EMID1: variants seen among roughly 807,000 people sequenced by gnomAD.
EMID1 encodes EMI domain-containing protein 1.
EMID1 carries 40 observed loss-of-function variants against 60.6 expected under a neutral mutation model. The observed-to-expected ratio is 0.66, with a 90% CI of 0.51 to 0.86. The LOEUF is 0.86. Among genes scored for constraint, EMID1 ranks in the 40% least tolerant of loss-of-function variants. The pLI is 0.00. For missense variants in EMID1, 585 were observed against 597.1 expected (o/e 0.98, Z 0.21); for synonymous variants, 242 against 231.0 (o/e 1.05, Z -0.43).
intron 5 of EMID1, among the ~76,000 whole-genome samples, chr22:29,226,910 A>G (rs1489978356): frequency 6.6e-6 from 1 of 152,004 alleles, no homozygotes; most frequent in Non-Finnish European, 1.5e-5. Flanking sequence ...GGGCTCCATC[A>G]CCATCCCCAC....
chr22:29,236,826 T>C (rs945542665), intron 12 of EMID1, among the ~76,000 whole-genome samples: 1 of 151,920 alleles, frequency 6.6e-6, no homozygotes, highest in Non-Finnish European at 1.5e-5. Context: ...AGGCAGAGTC[T>C]TGCTCTGTCG....
chr22:29,240,433 C>A (rs187120140), intron 12 of EMID1, among the ~76,000 whole-genome samples: 1 of 152,046 alleles, frequency 6.6e-6, no homozygotes, highest in Non-Finnish European at 1.5e-5. Context: ...GGTCAAGAAC[C>A]CCTCGTGGCC....
chr22:29,246,106 G>T (rs954437959), intron 13 of EMID1, among the ~76,000 whole-genome samples: 1 of 152,326 alleles, frequency 6.6e-6, no homozygotes, highest in Admixed American at 6.5e-5. Flanking sequence ...AAGCCTGAAA[G>T]GTGCATTAAC....
intron 14 of EMID1, among the ~76,000 whole-genome samples, chr22:29,256,476 A>G (rs2146482620): frequency 6.6e-6 from 1 of 151,774 alleles, no homozygotes; most frequent in Admixed American, 6.6e-5. Flanking sequence ...AAAAAAAAAA[A>G]AAAAAAAGAC....
At position 29,234,199 on chromosome 22, in the gene EMID1, A is replaced by G; in HGVS notation, c.1029A>G (p.Arg343=). The change falls in exon 11 of 15, where the codon AGA becomes AGG. Residue 343 remains arginine (R), a splice_region_variant and synonymous_variant. Coordinates refer to ENST00000334018, the MANE Select transcript of EMID1 (RefSeq NM_133455.4). The part of the protein sequence containing the change: ...ISGHPGEKGE[R]GLRGEPGPQG... ...GCCACCCAGGAGAGAAGGGCGAGAG[A>G]GTGAGTACCCAGGTGGCCCCAGGTG... 1.9e-6 allele frequency: 3 copies of G among 1,606,736 alleles called. No individual in the cohort carries two copies. The highest frequency in any genetic ancestry group is 2.6e-6 in the Non-Finnish European group (3 of 1,176,432).
At chr22:29,218,207 C>G (rs1431115543) in intron 3 of EMID1, among the ~76,000 whole-genome samples, 1 of 152,252 alleles carries the variant, frequency 6.6e-6, no homozygotes, top group Non-Finnish European at 1.5e-5. Context: ...GGCGACCTGG[C>G]AGACACAGCC....
At chr22:29,235,099 G>A (rs1416579347) in intron 12 of EMID1, among the ~76,000 whole-genome samples, 1 of 152,090 alleles carries the variant, frequency 6.6e-6, no homozygotes, top group African/African-American at 2.4e-5. Flanking sequence ...TGTAATCCTA[G>A]CACTTTGGGG....
At chr22:29,221,582 G>A (rs984630626) in intron 3 of EMID1, among the ~76,000 whole-genome samples, 2 of 152,124 alleles carry the variant, frequency 1.3e-5, no homozygotes, top group Non-Finnish European at 2.9e-5. Context: ...CACCATGTTA[G>A]CCAGGATGGT....
rs2040854437 is a variant in EMID1, at chr22:29,234,141, C to G, written c.971C>G (p.Pro324Arg). ...GVPGSPGHIG[P>R]PGPTGPKGIS... ...AGGCCCTGTCTTGTTGCTCAGGGAC[C>G]CCCAGGCCCCACTGGACCCAAAGGA... The change falls in exon 11 of 15, where the codon CCC (proline) becomes CGC (arginine). Residue 324 changes from proline to arginine, a missense_variant. By Grantham distance (103) the Pro-to-Arg change is moderately radical. Transcript: ENST00000334018. The G allele has an allele frequency of 6.3e-7, 1 of 1,588,336 alleles. No individual in the cohort carries two copies. The highest frequency in any genetic ancestry group is 8.6e-7 in the Non-Finnish European group (1 of 1,166,784).
intron 1 of EMID1, among the ~76,000 whole-genome samples, chr22:29,206,518 G>GT (rs1293743261): frequency 2.6e-5 from 4 of 152,236 alleles, no homozygotes; most frequent in East Asian, 3.9e-4. Context: ...CCCTGTTCCT[G>GT]TTTTTTTGCT....
intron 1 of EMID1, among the ~76,000 whole-genome samples, chr22:29,210,844 C>T (rs1036310971): frequency 2.0e-5 from 3 of 151,942 alleles, no homozygotes; most frequent in Admixed American, 6.6e-5. Flanking sequence ...CTGTTGTCCA[C>T]GTGTGTGTGT....
chr22:29,245,426 AC>A (rs1434365735), intron 13 of EMID1, among the ~76,000 whole-genome samples: 1 of 152,008 alleles, frequency 6.6e-6, no homozygotes, highest in Non-Finnish European at 1.5e-5. Flanking sequence ...CAGTCCTTGA[AC>A]CCAGAACCAC....
At chr22:29,216,490 G>A (rs1164807044) in intron 3 of EMID1, 2 of 985,372 alleles carry the variant, frequency 2.0e-6, no homozygotes, top group Non-Finnish European at 2.4e-6. Context: ...GACAGCTCAA[G>A]GGACAGAAGC....
At chr22:29,251,351 G>A (rs1328195001) in intron 13 of EMID1, among the ~76,000 whole-genome samples, 1 of 151,634 alleles carries the variant, frequency 6.6e-6, no homozygotes, top group Non-Finnish European at 1.5e-5. Flanking sequence ...CAGGGTGCTG[G>A]GATTACAGAC....
chr22:29,207,464 C>A (rs2039715164), intron 1 of EMID1, among the ~76,000 whole-genome samples: 1 of 152,084 alleles, frequency 6.6e-6, no homozygotes. Flanking sequence ...CCGCCAGGAT[C>A]CCAGATGCTA....
intron 14 of EMID1, chr22:29,254,493 C>T: frequency 1.8e-6 from 1 of 564,308 alleles, no homozygotes; most frequent in Non-Finnish European, 3.2e-6. Context: ...CCCTAGAAAC[C>T]CGGGCCCTGC....
intron 6 of EMID1, 75 bp from the exon 7 acceptor site, chr22:29,231,518 G>A: frequency 2.1e-6 from 3 of 1,460,340 alleles, no homozygotes; most frequent in Non-Finnish European, 2.8e-6. Flanking sequence ...GGTAGATGCT[G>A]GTTGGGGGGC....
At chr22:29,226,148 G>A (rs1288119085) in intron 4 of EMID1, among the ~76,000 whole-genome samples, 1 of 152,126 alleles carries the variant, frequency 6.6e-6, no homozygotes, top group African/African-American at 2.4e-5. Flanking sequence ...TGGGGTCGCT[G>A]GAGAAGTCCT....
At chr22:29,207,382 T>C (rs2039710265) in intron 1 of EMID1, among the ~76,000 whole-genome samples, 1 of 152,214 alleles carries the variant, frequency 6.6e-6, no homozygotes, top group Non-Finnish European at 1.5e-5. Context: ...ATGCTCTTTA[T>C]GATTCTGTTT....
Sources: allele counts gnomAD v4.1 joint callset (sites outside exome capture counted in the v4.1 genomes callset), GRCh38; gene constraint gnomAD v4.1.1; transcripts MANE v1.5; gene names NCBI Gene and HGNC (gene_info 2026-07-23, HGNC 2026-07-21).